Variants in MICU1 observed in about 807,000 individuals in gnomAD.
MICU1 encodes the protein mitochondrial calcium uptake 1.
In MICU1, 45 loss-of-function variants were observed where a neutral mutation model predicts 56.8. The observed-to-expected ratio is 0.79, with a 90% confidence interval of 0.62 to 1.02. The LOEUF (loss-of-function observed/expected upper bound fraction) is 1.02, where lower values mean the gene tolerates loss of function less well. Ranked by LOEUF, MICU1 falls within the 50% of genes least tolerant of loss-of-function variation. The probability of loss-of-function intolerance (pLI) is 0.00; values close to 1 mark genes in which losing one functional copy is unlikely to be tolerated. For missense variants in MICU1, 504 were observed against 587.1 expected, an observed-to-expected ratio of 0.86 and a Z score of 1.46; for synonymous variants, 186 against 195.1, an observed-to-expected ratio of 0.95 and a Z score of 0.39.
At chr10:72,523,030 T>C (rs1867868404) in intron 5 of MICU1, among the ~76,000 whole-genome samples, 2 of 152,184 alleles carry the variant, frequency 1.3e-5, no homozygotes, top group African/African-American at 4.8e-5. Context: ...AGAAGACTGG[T>C]GCTGTTTTGT....
intron 10 of MICU1, among the ~76,000 whole-genome samples, chr10:72,383,589 G>A (rs942692306): frequency 2.0e-5 from 3 of 152,068 alleles, no homozygotes; most frequent in African/African-American, 4.8e-5. Flanking sequence ...TAATTTCCTT[G>A]TTTATTTAAC....
rs557518994 is a variant in MICU1 at position 72,600,484 on chromosome 10, A to C, written c.-2+25526T>G. On this transcript the variant is annotated intron_variant, in intron 1 of 11. Transcript: ENST00000361114. ...GCCAACATGATGAAACCCCATCTCT[A>C]CTGAAAATATAAAAATTAGCTGGGC... Among the ~76,000 whole-genome samples, 246 of 151,792 alleles carry C rather than the reference A, an allele frequency of 1.6e-3. 1 individual carries two copies. The highest frequency in any genetic ancestry group is 5.7e-3 in the African/African-American group (237 of 41,390).
At chr10:72,418,355 A>G (rs1033127026) in intron 9 of MICU1, among the ~76,000 whole-genome samples, 2 of 152,186 alleles carry the variant, frequency 1.3e-5, no homozygotes, top group African/African-American at 4.8e-5. Flanking sequence ...AAACAACCAC[A>G]TTCCTTAAAA....
rs1430150297 is a variant in MICU1 at position 72,622,527 on chromosome 10, G to A, written c.-2+3483C>T. On this transcript the variant is annotated intron_variant, in intron 1 of 11. Transcript: ENST00000361114. ...CAATGAAACTACCATACAGTGGTGC[G>A]CTGGAACTGTAGAGAAAGGGAAATT... Among the ~76,000 whole-genome samples the A allele has an allele frequency of 2.0e-5, 3 of 152,292 alleles. No homozygotes were observed. In the East Asian group the frequency reaches 5.8e-4, roughly 29 times the overall value.
At chr10:72,415,337 A>T (rs370216446) in intron 9 of MICU1, among the ~76,000 whole-genome samples, 1 of 152,072 alleles carries the variant, frequency 6.6e-6, no homozygotes, top group African/African-American at 2.4e-5. Flanking sequence ...GTTTTAAAAC[A>T]ATTTTAATTA....
At chr10:72,427,871 G>A (rs1394342499) in intron 8 of MICU1, among the ~76,000 whole-genome samples, 1 of 151,852 alleles carries the variant, frequency 6.6e-6, no homozygotes, top group Non-Finnish European at 1.5e-5. Context: ...GAATCTGATA[G>A]TATGTGGCTT....
At chr10:72,383,020 T>C (rs1393984973) in intron 10 of MICU1, among the ~76,000 whole-genome samples, 1 of 152,118 alleles carries the variant, frequency 6.6e-6, no homozygotes, top group Non-Finnish European at 1.5e-5. Context: ...ATAATCCTAG[T>C]GGTTTGGGAG....
intron 8 of MICU1, among the ~76,000 whole-genome samples, chr10:72,471,998 A>G (rs1865966309): frequency 6.6e-6 from 1 of 152,148 alleles, no homozygotes; most frequent in South Asian, 2.1e-4. Context: ...ACCCAATATA[A>G]ATCAGTGAAC....
chr10:72,379,598 T>C (rs1034030659), intron 10 of MICU1: 2 of 425,106 alleles, frequency 4.7e-6, no homozygotes, highest in Non-Finnish European at 9.4e-6. Flanking sequence ...AAATAAACCA[T>C]TAATTAAATA....
At chr10:72,617,602 C>A (rs1338101811) in intron 1 of MICU1, among the ~76,000 whole-genome samples, 1 of 152,134 alleles carries the variant, frequency 6.6e-6, no homozygotes, top group African/African-American at 2.4e-5. Context: ...GAGGCCGAGG[C>A]GGCAGGGTCA....
chr10:72,596,832 C>T (rs1345491885), intron 1 of MICU1, among the ~76,000 whole-genome samples: 2 of 149,872 alleles, frequency 1.3e-5, no homozygotes, highest in African/African-American at 4.9e-5. Flanking sequence ...GAGATGGCGC[C>T]ACTGCACTCC....
At chr10:72,383,303 T>C (rs968409790) in intron 10 of MICU1, among the ~76,000 whole-genome samples, 5 of 151,954 alleles carry the variant, frequency 3.3e-5, no homozygotes, top group Non-Finnish European at 7.4e-5. Context: ...GCTTCAAAAT[T>C]TGAATGGTAC....
At position 72,562,892 on chromosome 10, in the gene MICU1, T is replaced by C. The variant is rs1840335138; in HGVS notation, c.330+3A>G. The C allele has an allele frequency of 6.3e-7, 1 of 1,584,028 alleles. No homozygotes were observed. ...GATCAACTTATAAGACTATGTTTCA[T>C]ACTTTTCTGTCTCTGAATCCAGAAC... On this transcript the variant is annotated splice_donor_region_variant and intron_variant, in intron 3 of 11. Coordinates refer to ENST00000361114, the MANE Select transcript of MICU1 (RefSeq NM_001195518.2).
At chr10:72,377,065 C>T (rs965240487) in intron 10 of MICU1, among the ~76,000 whole-genome samples, 1 of 152,028 alleles carries the variant, frequency 6.6e-6, no homozygotes, top group East Asian at 1.9e-4. Context: ...AGACTTCTTC[C>T]AACTGAGCCC....
At chr10:72,414,575 G>A (rs1589191581) in intron 9 of MICU1, among the ~76,000 whole-genome samples, 1 of 152,280 alleles carries the variant, frequency 6.6e-6, no homozygotes, top group African/African-American at 2.4e-5. Flanking sequence ...TCTTTTTGGG[G>A]TGATGGAAAT....
At chr10:72,596,174 T>A (rs988187876) in intron 1 of MICU1, among the ~76,000 whole-genome samples, 1 of 151,848 alleles carries the variant, frequency 6.6e-6, no homozygotes, top group Non-Finnish European at 1.5e-5. Context: ...TTAGTAGAGA[T>A]GGGGTTTCAC....
At chr10:72,376,298 T>C (rs1477825930) in intron 10 of MICU1, among the ~76,000 whole-genome samples, 1 of 151,718 alleles carries the variant, frequency 6.6e-6, no homozygotes, top group Admixed American at 6.6e-5. Flanking sequence ...AAAATGATAA[T>C]TGAGTTTTTA....
At chr10:72,553,753 G>C (rs1285182687) in intron 3 of MICU1, among the ~76,000 whole-genome samples, 1 of 152,144 alleles carries the variant, frequency 6.6e-6, no homozygotes, top group African/African-American at 2.4e-5. Context: ...ATTCGTTTTT[G>C]AAATAATAGG....
chr10:72,555,451 T>C (rs1840136571), intron 3 of MICU1, among the ~76,000 whole-genome samples: 2 of 152,138 alleles, frequency 1.3e-5, no homozygotes, highest in Non-Finnish European at 2.9e-5. Flanking sequence ...TTAAGTGATA[T>C]GGACAGTGGT....
Sources: allele counts gnomAD v4.1 joint callset (sites outside exome capture counted in the v4.1 genomes callset), GRCh38; gene constraint gnomAD v4.1.1; transcripts MANE v1.5; gene names NCBI Gene and HGNC (gene_info 2026-07-23, HGNC 2026-07-21).